PDE4D: variants seen among roughly 807,000 people sequenced by gnomAD.
PDE4D encodes phosphodiesterase 4D.
A neutral mutation model predicts 87.4 loss-of-function variants in PDE4D; 24 were observed. The observed-to-expected ratio is 0.27, with a 90% CI of 0.20 to 0.39. The LOEUF (loss-of-function observed/expected upper bound fraction) is 0.39, where lower values mean the gene tolerates loss of function less well. Among genes scored for constraint, PDE4D ranks in the 10% least tolerant of loss-of-function variants. The probability of loss-of-function intolerance (pLI) is 1.00; values close to 1 mark genes in which losing one functional copy is unlikely to be tolerated. For missense variants in PDE4D, 714 were observed against 1,041.0 expected (o/e 0.69, Z 4.32); for synonymous variants, 384 against 383.2 (o/e 1.00, Z -0.02).
At chr5:59,405,777 C>A (rs1791499573) in intron 1 of PDE4D, among the ~76,000 whole-genome samples, 1 of 152,132 alleles carries the variant, frequency 6.6e-6, no homozygotes. Flanking sequence ...GCTTTCCCAG[C>A]ATAAATTGAA....
At chr5:59,379,073 C>T (rs1458394466) in intron 1 of PDE4D, among the ~76,000 whole-genome samples, 2 of 151,988 alleles carry the variant, frequency 1.3e-5, no homozygotes, top group African/African-American at 2.4e-5. Flanking sequence ...GCACTGCAGG[C>T]CTCTCCAGCA....
chr5:60,448,461 A>G (rs866417594), intron 1 of PDE4D, among the ~76,000 whole-genome samples: 3 of 152,164 alleles, frequency 2.0e-5, no homozygotes, highest in Non-Finnish European at 4.4e-5. Flanking sequence ...TATTTTGGCC[A>G]TCAACACTAC....
intron 5 of PDE4D, among the ~76,000 whole-genome samples, chr5:59,168,446 C>T (rs1020185541): frequency 7.9e-5 from 12 of 152,286 alleles, no homozygotes; most frequent in Non-Finnish European, 1.3e-4. Flanking sequence ...CTGGTGACAA[C>T]GGGCACTTCA....
intron 1 of PDE4D, among the ~76,000 whole-genome samples, chr5:59,708,777 T>C (rs1157782350): frequency 6.6e-6 from 1 of 152,180 alleles, no homozygotes; most frequent in Non-Finnish European, 1.5e-5. Flanking sequence ...GAACATAAAT[T>C]ATTAATTTTG....
intron 2 of PDE4D, among the ~76,000 whole-genome samples, chr5:60,031,970 A>G (rs1348687651): frequency 6.6e-6 from 1 of 152,226 alleles, no homozygotes; most frequent in Non-Finnish European, 1.5e-5. Context: ...TATTATCTTA[A>G]GAAGCTATAA....
intron 1 of PDE4D, among the ~76,000 whole-genome samples, chr5:59,444,343 T>C (rs909230608): frequency 3.9e-5 from 6 of 152,060 alleles, no homozygotes; most frequent in Non-Finnish European, 7.4e-5. Flanking sequence ...ACCTGAAAGG[T>C]GTAGGATAGA....
chr5:59,498,332 AC>A (rs770849944), intron 1 of PDE4D, among the ~76,000 whole-genome samples: 90 of 151,120 alleles, frequency 6.0e-4, no homozygotes, highest in Non-Finnish European at 7.1e-4. Context: ...ATCAATATTA[AC>A]TTTTGCATAG....
At chr5:60,114,466 T>C (rs1777957282) in intron 2 of PDE4D, among the ~76,000 whole-genome samples, 1 of 152,140 alleles carries the variant, frequency 6.6e-6, no homozygotes, top group Non-Finnish European at 1.5e-5. Flanking sequence ...TACTTGACCC[T>C]GCAGAACCTC....
intron 1 of PDE4D, among the ~76,000 whole-genome samples, chr5:59,423,490 C>T (rs1261657198): frequency 6.6e-6 from 1 of 152,056 alleles, no homozygotes; most frequent in Non-Finnish European, 1.5e-5. Flanking sequence ...TCCATCATGC[C>T]ACTCTTAGGG....
intron 2 of PDE4D, among the ~76,000 whole-genome samples, chr5:60,057,841 C>T (rs912108781): frequency 4.6e-5 from 7 of 151,862 alleles, no homozygotes; most frequent in Admixed American, 1.3e-4. Flanking sequence ...AGATTAACAA[C>T]ATAGCATTAC....
At chr5:60,514,782 T>C (rs1220619851) in intron 1 of PDE4D, among the ~76,000 whole-genome samples, 1 of 151,794 alleles carries the variant, frequency 6.6e-6, no homozygotes, top group Non-Finnish European at 1.5e-5. Context: ...AAATCAGGAA[T>C]GAGAAAAAAA....
At chr5:60,406,947 C>A (rs1374915255) in intron 1 of PDE4D, among the ~76,000 whole-genome samples, 3 of 152,088 alleles carry the variant, frequency 2.0e-5, no homozygotes, top group Admixed American at 2.0e-4. Context: ...TTCAACACAA[C>A]TAGCCTTCCT....
At chr5:60,038,384 C>A (rs1194916801) in intron 2 of PDE4D, among the ~76,000 whole-genome samples, 1 of 152,124 alleles carries the variant, frequency 6.6e-6, no homozygotes, top group Non-Finnish European at 1.5e-5. Context: ...AATAGGGAAT[C>A]CTTTCCCCAT....
At chr5:59,545,880 C>T (rs1041435662) in intron 1 of PDE4D, among the ~76,000 whole-genome samples, 1 of 152,094 alleles carries the variant, frequency 6.6e-6, no homozygotes, top group Non-Finnish European at 1.5e-5. Flanking sequence ...AAAAAGATTA[C>T]AGGCACAAAA....
At chr5:60,327,245 CAA>C (rs1277422236) in intron 1 of PDE4D, among the ~76,000 whole-genome samples, 1 of 152,134 alleles carries the variant, frequency 6.6e-6, no homozygotes, top group Non-Finnish European at 1.5e-5. Flanking sequence ...CTTGGTTGAA[CAA>C]AGAGAGGCAA....
rs931821319 is a variant in PDE4D, at chr5:59,715,925, C to T, written c.455+177243G>A. ...GGTTCCACCCTGTGGGCATGTTTCT[C>T]CATTTAAAAGACTCCTTCAGCCTAG... is the stretch of plus-strand genomic sequence containing the variant. On this transcript the variant is annotated intron_variant, in intron 1 of 14. Coordinates refer to ENST00000340635, the MANE Select transcript of PDE4D (RefSeq NM_001104631.2). Among the ~76,000 whole-genome samples, 3 of 152,166 alleles carry T rather than the reference C, an allele frequency of 2.0e-5. No individual in the cohort carries two copies. The East Asian group carries it at 5.8e-4, about 29-fold the overall frequency.
At chr5:59,468,574 C>G (rs1486453188) in intron 1 of PDE4D, among the ~76,000 whole-genome samples, 1 of 152,148 alleles carries the variant, frequency 6.6e-6, no homozygotes, top group African/African-American at 2.4e-5. Flanking sequence ...GTAAAGCCAC[C>G]AAGGAATGAC....
At chr5:59,031,938 G>A (rs761502837) in intron 6 of PDE4D, among the ~76,000 whole-genome samples, 5 of 152,002 alleles carry the variant, frequency 3.3e-5, no homozygotes, top group Non-Finnish European at 5.9e-5. Context: ...GGCTGTAGAG[G>A]AGGAGGGAGA....
chr5:60,111,569 G>A (rs1436334420), intron 2 of PDE4D, among the ~76,000 whole-genome samples: 13 of 151,852 alleles, frequency 8.6e-5, no homozygotes, highest in Admixed American at 2.0e-4. Context: ...GTCCTATTAA[G>A]AGCAAATATT....
Sources: allele counts gnomAD v4.1 joint callset (sites outside exome capture counted in the v4.1 genomes callset), GRCh38; gene constraint gnomAD v4.1.1; transcripts MANE v1.5; gene names NCBI Gene and HGNC (gene_info 2026-07-23, HGNC 2026-07-21).